FILIP1: variants seen among roughly 807,000 people sequenced by gnomAD.
FILIP1 encodes the protein filamin-A-interacting protein 1.
A neutral mutation model predicts 102.1 loss-of-function variants in FILIP1; 61 were observed. The ratio of observed to expected loss-of-function variants is 0.60; its 90% CI spans 0.49 to 0.74. The LOEUF (loss-of-function observed/expected upper bound fraction) is 0.74. Among genes scored for constraint, FILIP1 ranks in the 30% least tolerant of loss-of-function variants. The pLI, the probability that FILIP1 is intolerant of heterozygous loss-of-function variation, is 0.00. For missense variants in FILIP1, 1,314 were observed against 1,441.2 expected, an observed-to-expected ratio of 0.91 and a Z score of 1.43; for synonymous variants, 491 against 526.9, an observed-to-expected ratio of 0.93 and a Z score of 0.93.
intron 1 of FILIP1, among the ~76,000 whole-genome samples, chr6:75,445,124 C>A (rs1310479982): frequency 6.6e-6 from 1 of 152,136 alleles, no homozygotes; most frequent in African/African-American, 2.4e-5. Context: ...TCTGCAATAA[C>A]CACTCTACCC....
chr6:75,432,704 T>C (rs1371475449), intron 1 of FILIP1, among the ~76,000 whole-genome samples: 2 of 152,188 alleles, frequency 1.3e-5, no homozygotes, highest in Admixed American at 6.5e-5. Context: ...TATTATACTT[T>C]AAGTTCTAGG....
At chr6:75,335,441 T>C (rs1774209829) in intron 4 of FILIP1, among the ~76,000 whole-genome samples, 1 of 152,102 alleles carries the variant, frequency 6.6e-6, no homozygotes, top group African/African-American at 2.4e-5. Context: ...CATCTTCAAA[T>C]TAGTTGTCCC....
chr6:75,312,562 A>G lies in FILIP1; in HGVS notation c.3270T>C (p.Ile1090=). 1 of 1,614,220 alleles carries G rather than the reference A, an allele frequency of 6.2e-7. No individual in the cohort carries two copies. Among genetic ancestry groups the G allele is most frequent in the Non-Finnish European group, 8.5e-7 (1 of 1,180,042 alleles). Residue 1090 remains isoleucine, a synonymous_variant, in exon 5 of 6, where the codon ATT becomes ATC. Transcript: ENST00000237172. Reference sequence around the variant, plus strand: ...CTGTCACGTTTACTGGTCGGACAGTAATAACTGGACTGACTCCTTCACCTG... The same window carrying G: ...CTGTCACGTTTACTGGTCGGACAGTGATAACTGGACTGACTCCTTCACCTG... ...GTSGEGVSPV[I]TVRPVNVTAE... is the part of the protein sequence containing the mutation.
At chr6:75,391,460 C>T (rs1427818991) in intron 2 of FILIP1, among the ~76,000 whole-genome samples, 1 of 152,114 alleles carries the variant, frequency 6.6e-6, no homozygotes, top group East Asian at 1.9e-4. Flanking sequence ...ACATCTACCC[C>T]ATTGCTCCCT....
chr6:75,353,165 C>T (rs191310106), intron 4 of FILIP1, among the ~76,000 whole-genome samples: 107 of 151,616 alleles, frequency 7.1e-4, no homozygotes, highest in African/African-American at 2.3e-3. Flanking sequence ...TGTAACAAAC[C>T]TGCACGTTGT....
exon 7 of FILIP1, chr6:75,295,098 C>T (rs1472545038): frequency 1.3e-5 from 2 of 151,828 alleles, no homozygotes; most frequent in African/African-American, 4.8e-5. Flanking sequence ...ATTTCACAGT[C>T]CTTATTATAA....
At chr6:75,373,806 C>T (rs1775657152) in intron 2 of FILIP1, among the ~76,000 whole-genome samples, 1 of 152,058 alleles carries the variant, frequency 6.6e-6, no homozygotes, top group African/African-American at 2.4e-5. Flanking sequence ...CCCAGGAGTT[C>T]AAGACCAGCT....
intron 1 of FILIP1, among the ~76,000 whole-genome samples, chr6:75,472,488 A>T (rs571675281): frequency 2.0e-5 from 3 of 152,118 alleles, no homozygotes; most frequent in African/African-American, 7.2e-5. Context: ...CCCACATTGC[A>T]TGTTTTGTGA....
chr6:75,342,408 T>A (rs886190788), intron 4 of FILIP1, among the ~76,000 whole-genome samples: 4 of 152,234 alleles, frequency 2.6e-5, no homozygotes, highest in Non-Finnish European at 4.4e-5. Context: ...GGCCTCACAC[T>A]CACGTGTGCA....
At chr6:75,341,918 C>T (rs1464736246) in intron 4 of FILIP1, among the ~76,000 whole-genome samples, 3 of 152,148 alleles carry the variant, frequency 2.0e-5, no homozygotes, top group African/African-American at 7.2e-5. Flanking sequence ...GAGTTTAATA[C>T]ACAGATGAGT....
intron 2 of FILIP1, among the ~76,000 whole-genome samples, chr6:75,391,947 T>C (rs1292461682): frequency 1.3e-5 from 2 of 152,202 alleles, no homozygotes; most frequent in African/African-American, 2.4e-5. Flanking sequence ...AACTCTTTTA[T>C]GAAGGCAAAT....
chr6:75,474,120 T>C lies in FILIP1; in HGVS notation c.-7+19294A>G, dbSNP rs534540751. Among the ~76,000 whole-genome samples, 13 of 152,306 alleles carry C rather than the reference T, an allele frequency of 8.5e-5. No individual in the cohort carries two copies. In the South Asian group the frequency reaches 1.9e-3, roughly 22 times the overall value. ...ACACATTTATATCTCCAAATGGAAA[T>C]GGTTACCGTTAATGTTAGAAATATA... On this transcript the variant is annotated intron_variant, in intron 1 of 5. Coordinates refer to ENST00000237172, the MANE Select transcript of FILIP1 (RefSeq NM_015687.5).
exon 7 of FILIP1, chr6:75,295,201 A>T (rs193113622): frequency 6.6e-6 from 1 of 152,212 alleles, no homozygotes; most frequent in Non-Finnish European, 1.5e-5. Context: ...AAACTGGTAC[A>T]TCTCCTTTTA....
chr6:75,418,455 A>G (rs370573874), intron 1 of FILIP1, among the ~76,000 whole-genome samples: 23 of 152,350 alleles, frequency 1.5e-4, no homozygotes, highest in African/African-American at 5.5e-4. Flanking sequence ...AACAGGATGT[A>G]AAGTCTGAAC....
intron 2 of FILIP1, among the ~76,000 whole-genome samples, chr6:75,372,692 A>G (rs1283692538): frequency 1.3e-4 from 6 of 45,316 alleles, no homozygotes; most frequent in African/African-American, 8.3e-4. Context: ...AAAGAGAAAG[A>G]AAGAGAAAGA....
chr6:75,340,526 A>G lies in FILIP1; in HGVS notation c.629+13013T>C, dbSNP rs6910422. 5.2e-3 allele frequency among the ~76,000 whole-genome samples: 792 copies of G among 152,308 alleles called. 14 individuals carry two copies. Among genetic ancestry groups the G allele is most frequent in the African/African-American group, 0.018 (756 of 41,558 alleles). On this transcript the variant is annotated intron_variant, in intron 4 of 5. Coordinates refer to ENST00000237172, the MANE Select transcript of FILIP1 (RefSeq NM_015687.5). ...AAATGTATTACGTTTTTATACCTAT[A>G]TAATCTATCTCCAGAAATTCCATCA... is the stretch of plus-strand genomic sequence containing the variant.
intron 5 of FILIP1, 143 bp downstream of exon 5, chr6:75,312,254 G>A (rs556351186): frequency 1.4e-5 from 11 of 786,252 alleles, no homozygotes; most frequent in Non-Finnish European, 2.0e-5. Context: ...TCTCAGTGTG[G>A]ATGGTCCTCT....
intron 1 of FILIP1, among the ~76,000 whole-genome samples, chr6:75,428,093 A>G (rs1777691033): frequency 6.6e-6 from 1 of 152,172 alleles, no homozygotes; most frequent in Non-Finnish European, 1.5e-5. Flanking sequence ...CACAGCAGAC[A>G]TATCTTTTTC....
In FILIP1 at chr6:75,314,653, T is replaced by A. The variant is rs151315040; in HGVS notation, c.1179A>T (p.Lys393Asn). The change falls in exon 5 of 6, where the codon AAA (lysine) becomes AAT (asparagine). Residue 393 changes from lysine to asparagine, a missense_variant. Around this residue, in one of 3 missense-constraint regions of FILIP1, gnomAD observed 494 missense variants for 511.2 expected, o/e 0.97. Coordinates refer to ENST00000237172, the MANE Select transcript of FILIP1 (RefSeq NM_015687.5). ...LRKRVLEMEG[K>N]DEEITKTESQ... ...ATTCAGTTTTAGTGATCTCCTCATC[T>A]TTACCTTCCATTTCAAGCACACGCT... 1.9e-6 allele frequency: 3 copies of A among 1,613,624 alleles called. No individual in the cohort carries two copies. Among genetic ancestry groups the A allele is most frequent in the Non-Finnish European group, 2.5e-6 (3 of 1,179,942 alleles).
Sources: gnomAD v4.1 joint callset for allele counts (sites outside exome capture counted in the v4.1 genomes callset) on GRCh38, gnomAD v4.1.1 for gene constraint, gnomAD v4.1.1 regional missense constraint, MANE v1.5 for transcripts, NCBI Gene and HGNC (gene_info 2026-07-23, HGNC 2026-07-21) for gene names.